The following MTFR1 variants were observed in gnomAD, a reference collection of about 807,000 sequenced individuals.
MTFR1 encodes chondrocyte protein with a poly-proline region.
A neutral mutation model predicts 38.8 loss-of-function variants in MTFR1; 28 were observed. The ratio of observed to expected loss-of-function variants is 0.72; its 90% CI spans 0.53 to 0.99. MTFR1 has a LOEUF of 0.99. Ranked by LOEUF, MTFR1 falls within the 50% of genes least tolerant of loss-of-function variation. MTFR1 has a pLI of 0.00. For missense variants in MTFR1, 358 were observed against 395.5 expected (o/e 0.91, Z 0.81); for synonymous variants, 145 against 137.0 (o/e 1.06, Z -0.41).
At chr8:65,681,411 C>T (rs973512109) in intron 2 of MTFR1, among the ~76,000 whole-genome samples, 2 of 152,216 alleles carry the variant, frequency 1.3e-5, no homozygotes, top group Non-Finnish European at 2.9e-5. Flanking sequence ...GGAGCCGCCG[C>T]ACCTGGCCTT....
At chr8:65,697,320 G>A (rs1304370486) in intron 4 of MTFR1, among the ~76,000 whole-genome samples, 4 of 152,126 alleles carry the variant, frequency 2.6e-5, no homozygotes, top group Non-Finnish European at 5.9e-5. Context: ...AATCAAACCA[G>A]CACCTAAGAA....
chr8:65,766,343 C>A (rs960190215), intron 3 of MTFR1, among the ~76,000 whole-genome samples: 1 of 152,188 alleles, frequency 6.6e-6, no homozygotes, highest in South Asian at 2.1e-4. Flanking sequence ...AAGTATATGG[C>A]TAATTGAACA....
chr8:65,674,086 T>C (rs1804641487), intron 2 of MTFR1, among the ~76,000 whole-genome samples: 1 of 152,020 alleles, frequency 6.6e-6, no homozygotes, highest in African/African-American at 2.4e-5. Flanking sequence ...GAAAGTGAAA[T>C]GCATTCCCAG....
intron 2 of MTFR1, among the ~76,000 whole-genome samples, chr8:65,678,786 A>G (rs1361084465): frequency 6.6e-6 from 1 of 152,022 alleles, no homozygotes; most frequent in Non-Finnish European, 1.5e-5. Context: ...CTATAATTCT[A>G]GCTAGATAGA....
At position 65,693,718 on chromosome 8, in the gene MTFR1, A is replaced by G. The variant is rs1215513455; in HGVS notation, c.240A>G (p.Gly80=). 2 of 1,614,032 alleles carry G rather than the reference A, an allele frequency of 1.2e-6. No homozygotes were observed. Among genetic ancestry groups the G allele is most frequent in the Non-Finnish European group, 1.7e-6 (2 of 1,180,024 alleles). ...EDAVASFADV[G]WVAKEEGECS... Reference sequence around the variant, plus strand: ...CAGTGGCGTCTTTTGCTGATGTTGGATGGGTAGCCAAAGAAGAAGGAGAGT... The same window carrying G: ...CAGTGGCGTCTTTTGCTGATGTTGGGTGGGTAGCCAAAGAAGAAGGAGAGT... The change falls in exon 4 of 8, where the codon GGA becomes GGG. Residue 80 remains glycine (G), a synonymous_variant. Transcript: ENST00000262146.
chr8:65,752,597 A>C (rs1177808301), intron 3 of MTFR1, among the ~76,000 whole-genome samples: 1 of 152,214 alleles, frequency 6.6e-6, no homozygotes, highest in Non-Finnish European at 1.5e-5. Context: ...TTCTCTTTAA[A>C]GGCCAATTAC....
At chr8:65,687,682 G>A (rs1805129599) in intron 3 of MTFR1, among the ~76,000 whole-genome samples, 1 of 152,086 alleles carries the variant, frequency 6.6e-6, no homozygotes. Flanking sequence ...TTCAGAAATA[G>A]TAGTGACTGA....
At chr8:65,756,452 ACTC>A (rs1328813105) in intron 3 of MTFR1, among the ~76,000 whole-genome samples, 2 of 148,398 alleles carry the variant, frequency 1.3e-5, no homozygotes, top group Non-Finnish European at 3.0e-5. Flanking sequence ...CTCTCTTTCT[ACTC>A]CTCAGAATGG....
intron 3 of MTFR1, chr8:65,745,433 A>G: frequency 2.5e-6 from 4 of 1,574,136 alleles, no homozygotes; most frequent in Non-Finnish European, 3.5e-6. Flanking sequence ...AAATAGAAAG[A>G]TATCAAAATT....
intron 3 of MTFR1, 82 bp from the exon 4 acceptor site, chr8:65,693,562 G>A (rs1261311178): frequency 1.4e-5 from 16 of 1,113,394 alleles, no homozygotes; most frequent in East Asian, 7.4e-5. Flanking sequence ...CAGAGCTGAC[G>A]ATTTTCCTTT....
At chr8:65,697,656 A>T (rs1805485061) in intron 4 of MTFR1, among the ~76,000 whole-genome samples, 2 of 152,220 alleles carry the variant, frequency 1.3e-5, no homozygotes, top group African/African-American at 4.8e-5. Flanking sequence ...CTATGAGTGC[A>T]GTTGCTGGGT....
intron 3 of MTFR1, chr8:65,727,336 A>G (rs1219571855): frequency 3.1e-6 from 5 of 1,611,020 alleles, no homozygotes; most frequent in African/African-American, 1.3e-5. Flanking sequence ...AATCACAGAT[A>G]TATCTAAAAT....
intron 4 of MTFR1, among the ~76,000 whole-genome samples, chr8:65,695,491 G>C (rs750233970): frequency 2.2e-4 from 33 of 152,106 alleles, no homozygotes; most frequent in Non-Finnish European, 4.7e-4. Context: ...CGAGTAGCTG[G>C]GATTCCAGGT....
intron 3 of MTFR1, among the ~76,000 whole-genome samples, chr8:65,688,725 G>A (rs147901527): frequency 0.04 from 6,096 of 151,736 alleles, 161 homozygotes; most frequent in Middle Eastern, 0.071. Flanking sequence ...GATTACAGGC[G>A]TAAGCCACCG....
intron 7 of MTFR1, among the ~76,000 whole-genome samples, 182 bp from the exon 8 acceptor site, chr8:65,708,794 C>T (rs1805858548): frequency 6.6e-6 from 1 of 152,176 alleles, no homozygotes; most frequent in East Asian, 1.9e-4. Flanking sequence ...ACCTTTCATT[C>T]TGTTGATATG....
rs1806587181 is a variant in MTFR1 at position 65,725,874 on chromosome 8, A to G, written c.*48+6393A>G. Reference sequence around the variant, plus strand: ...TAATCTGTCTTAATTTTAAGAACCCATAATTTACATATACAGTGTGTTTAA... The same window carrying G: ...TAATCTGTCTTAATTTTAAGAACCCGTAATTTACATATACAGTGTGTTTAA... On this transcript the variant is annotated intron_variant, in intron 3 of 3. Transcript: ENST00000521247. Among the ~76,000 whole-genome samples the G allele has an allele frequency of 2.0e-5, 3 of 152,208 alleles. No homozygotes were observed. In the South Asian group the frequency reaches 6.2e-4, roughly 32 times the overall value.
At chr8:65,756,824 G>C (rs1808259751) in intron 3 of MTFR1, among the ~76,000 whole-genome samples, 1 of 151,196 alleles carries the variant, frequency 6.6e-6, no homozygotes, top group South Asian at 2.1e-4. Context: ...TTTTTTTGTT[G>C]GAAACTGAAC....
At chr8:65,747,608 A>G in intron 3 of MTFR1, 1 of 1,348,056 alleles carries the variant, frequency 7.4e-7, no homozygotes, top group Admixed American at 2.0e-5. Context: ...GCCTTCAGTA[A>G]ACTTATCAAA....
At chr8:65,697,913 A>C (rs1415352352) in intron 4 of MTFR1, among the ~76,000 whole-genome samples, 2 of 152,108 alleles carry the variant, frequency 1.3e-5, no homozygotes, top group African/African-American at 2.4e-5. Flanking sequence ...TCCTTGTCAC[A>C]TATATGGTTT....
Sources: allele counts gnomAD v4.1 joint callset (sites outside exome capture counted in the v4.1 genomes callset), GRCh38; gene constraint gnomAD v4.1.1; transcripts MANE v1.5; gene names NCBI Gene and HGNC (gene_info 2026-07-23, HGNC 2026-07-21).